The following UBE2Q2 variants were observed in gnomAD, a reference collection of about 807,000 sequenced individuals.
UBE2Q2 encodes the protein ubiquitin conjugating enzyme E2 Q2.
Under a neutral mutation model 59.9 loss-of-function variants are expected in UBE2Q2, and 54 were observed. The observed-to-expected ratio is 0.90, with a 90% CI of 0.72 to 1.13. The LOEUF is 1.13. Ranked by LOEUF, UBE2Q2 falls within the 50% of genes most tolerant of loss-of-function variation. The probability of loss-of-function intolerance (pLI) is 0.00; values close to 1 mark genes in which losing one functional copy is unlikely to be tolerated. For synonymous variants in UBE2Q2, 165 were observed against 155.2 expected (o/e 1.06, Z -0.47); for missense variants, 433 against 441.9 (o/e 0.98, Z 0.18).
chr15:75,845,777 T>G (rs950494461), intron 1 of UBE2Q2, among the ~76,000 whole-genome samples: 1 of 152,144 alleles, frequency 6.6e-6, no homozygotes, highest in Non-Finnish European at 1.5e-5. Flanking sequence ...CCACCTAAAG[T>G]GCCACTGGTG....
intron 1 of UBE2Q2, chr15:75,844,716 A>G (rs1157501466): frequency 1.3e-5 from 5 of 394,664 alleles, no homozygotes; most frequent in African/African-American, 4.0e-5. Flanking sequence ...TCGTGAAGCT[A>G]TTCGTCGTGA....
intron 4 of UBE2Q2, 127 bp downstream of exon 4, chr15:75,869,137 G>A (rs1336930607): frequency 2.5e-6 from 2 of 789,668 alleles, no homozygotes; most frequent in Non-Finnish European, 3.9e-6. Context: ...GTTTGGAATG[G>A]AATATAATTT....
intron 3 of UBE2Q2, among the ~76,000 whole-genome samples, chr15:75,861,338 A>T (rs1897199987): frequency 6.6e-6 from 1 of 152,200 alleles, no homozygotes. Context: ...GTGAAGCCTC[A>T]TGGCATTCTG....
At chr15:75,875,491 C>A (rs963513045) in intron 5 of UBE2Q2, among the ~76,000 whole-genome samples, 2 of 152,112 alleles carry the variant, frequency 1.3e-5, no homozygotes, top group Non-Finnish European at 2.9e-5. Context: ...CGAACTAGAC[C>A]ATCTGTGTAA....
intron 3 of UBE2Q2, among the ~76,000 whole-genome samples, chr15:75,862,814 CAAAAAAAAAAA>C (rs71140182): frequency 1.9e-5 from 1 of 53,924 alleles, no homozygotes; most frequent in Non-Finnish European, 3.5e-5. Flanking sequence ...AACCCTATCT[CAAAAAAAAAAA>C]AAAAAAAAAA....
intron 12 of UBE2Q2, among the ~76,000 whole-genome samples, 185 bp downstream of exon 12, chr15:75,897,246 A>T (rs577883508): frequency 1.3e-5 from 2 of 151,596 alleles, no homozygotes; most frequent in South Asian, 4.2e-4. Flanking sequence ...ATTTTATTTT[A>T]TTTGTTTTTT....
intron 9 of UBE2Q2, among the ~76,000 whole-genome samples, chr15:75,889,999 T>C (rs1899002759): frequency 6.6e-6 from 1 of 152,124 alleles, no homozygotes; most frequent in Non-Finnish European, 1.5e-5. Flanking sequence ...CATAAAACCA[T>C]ACAGATCTTC....
intron 9 of UBE2Q2, among the ~76,000 whole-genome samples, chr15:75,889,597 A>G (rs57429900): frequency 0.036 from 5,471 of 152,278 alleles, 172 homozygotes; most frequent in African/African-American, 0.082. Context: ...AGGGAAAGGC[A>G]TGGGCAGAGC....
intron 3 of UBE2Q2, 37 bp downstream of exon 3, chr15:75,860,019 AAATT>A: frequency 7.0e-7 from 1 of 1,430,536 alleles, no homozygotes; most frequent in Admixed American, 2.2e-5. Flanking sequence ...AGAGCTAAAT[AAATT>A]GTCTCAAGCA....
intron 4 of UBE2Q2, 45 bp downstream of exon 4, chr15:75,869,055 T>C: frequency 6.7e-7 from 1 of 1,500,770 alleles, no homozygotes; most frequent in Non-Finnish European, 9.1e-7. Context: ...TTCTTCATTT[T>C]TGAACATTTG....
intron 3 of UBE2Q2, among the ~76,000 whole-genome samples, chr15:75,864,786 A>C (rs900055247): frequency 4.6e-5 from 7 of 151,822 alleles, no homozygotes; most frequent in Middle Eastern, 3.4e-3. Flanking sequence ...TTTTAAATCT[A>C]GTGTTTTCTT....
At chr15:75,873,739 CT>C (rs1897922578) in intron 5 of UBE2Q2, among the ~76,000 whole-genome samples, 171 bp downstream of exon 5, 2 of 152,206 alleles carry the variant, frequency 1.3e-5, no homozygotes, top group South Asian at 4.1e-4. Flanking sequence ...GTCGCCTAGG[CT>C]AGAGTGCAGT....
chr15:75,851,080 G>A (rs1483694486), intron 1 of UBE2Q2, among the ~76,000 whole-genome samples: 1 of 151,244 alleles, frequency 6.6e-6, no homozygotes, highest in Non-Finnish European at 1.5e-5. Flanking sequence ...CAGATACCTG[G>A]TTGGAAAAAT....
At chr15:75,862,713 G>C (rs1897261137) in intron 3 of UBE2Q2, among the ~76,000 whole-genome samples, 1 of 151,072 alleles carries the variant, frequency 6.6e-6, no homozygotes, top group South Asian at 2.1e-4. Flanking sequence ...TACTCAAGAG[G>C]CTAAGGCAGG....
rs180952023 is a variant in UBE2Q2, at chr15:75,900,169, T to A, written c.*711T>A. The A allele has an allele frequency of 1.3e-5, 2 of 152,236 alleles. No individual in the cohort carries two copies. The highest frequency in any genetic ancestry group is 2.9e-5 in the Non-Finnish European group (2 of 68,022). The allele number at this position is 152,236 out of a possible 1,614,324, so 9.4% of individuals were successfully genotyped here. ...ATCTGCTGCTTGTTGGTTCAGTGTT[T>A]CTTATGAACAAGAGCCACAGTACAG... On this transcript the variant is annotated 3_prime_UTR_variant, in exon 13 of 13. Coordinates refer to ENST00000267938, the MANE Select transcript of UBE2Q2 (RefSeq NM_173469.4).
At chr15:75,846,635 A>C (rs1896366122) in intron 1 of UBE2Q2, among the ~76,000 whole-genome samples, 1 of 152,140 alleles carries the variant, frequency 6.6e-6, no homozygotes, top group South Asian at 2.1e-4. Flanking sequence ...ATTTCAAATG[A>C]TTTGGTTTGA....
intron 1 of UBE2Q2, among the ~76,000 whole-genome samples, chr15:75,851,291 C>T (rs757539027): frequency 5.3e-5 from 8 of 151,520 alleles, no homozygotes; most frequent in Admixed American, 1.3e-4. Flanking sequence ...AGGGTTTTGC[C>T]ATGTTGCCTA....
At chr15:75,886,597 A>G (rs1898787950) in intron 9 of UBE2Q2, among the ~76,000 whole-genome samples, 1 of 152,030 alleles carries the variant, frequency 6.6e-6, no homozygotes, top group East Asian at 1.9e-4. Context: ...ATATAAAAAC[A>G]TTTTTATCAG....
intron 9 of UBE2Q2, among the ~76,000 whole-genome samples, chr15:75,884,616 G>C (rs891097286): frequency 5.3e-5 from 8 of 152,056 alleles, no homozygotes; most frequent in African/African-American, 9.7e-5. Context: ...GATATGCTGA[G>C]CTCATTTTGA....
Sources: gnomAD v4.1 joint callset for allele counts (sites outside exome capture counted in the v4.1 genomes callset) on GRCh38, gnomAD v4.1.1 for gene constraint, MANE v1.5 for transcripts, NCBI Gene and HGNC (gene_info 2026-07-23, HGNC 2026-07-21) for gene names.